Variants in GAS2 observed in about 807,000 individuals in gnomAD.
GAS2 encodes the protein growth arrest-specific protein 2.
In GAS2, 20 loss-of-function variants were observed where a neutral mutation model predicts 37.5. The observed-to-expected ratio is 0.53, with a 90% CI of 0.37 to 0.77. The LOEUF is 0.77. Ranked by LOEUF, GAS2 falls within the 30% of genes least tolerant of loss-of-function variation. GAS2 has a pLI of 0.00. For missense variants in GAS2, 336 were observed against 373.4 expected (o/e 0.90, Z 0.82); for synonymous variants, 144 against 132.2 (o/e 1.09, Z -0.61).
intron 3 of GAS2, among the ~76,000 whole-genome samples, chr11:22,705,380 T>C (rs1851062589): frequency 6.6e-6 from 1 of 152,138 alleles, no homozygotes; most frequent in Admixed American, 6.6e-5. Context: ...ATGTTTTATC[T>C]GAGGCCTTCC....
chr11:22,800,879 T>G (rs1856632551), intron 7 of GAS2, among the ~76,000 whole-genome samples: 1 of 152,092 alleles, frequency 6.6e-6, no homozygotes, highest in African/African-American at 2.4e-5. Flanking sequence ...GCTTGTTTGT[T>G]GTTTATGTAA....
At chr11:22,654,596 A>G (rs1264744026) in intron 1 of GAS2, among the ~76,000 whole-genome samples, 2 of 151,828 alleles carry the variant, frequency 1.3e-5, no homozygotes, top group Non-Finnish European at 2.9e-5. Flanking sequence ...GGGTCTTGCT[A>G]TTTTGCCCGG....
chr11:22,679,438 G>T (rs1849575615), intron 2 of GAS2, among the ~76,000 whole-genome samples: 1 of 151,850 alleles, frequency 6.6e-6, no homozygotes, highest in South Asian at 2.1e-4. Context: ...ATAAATCTTG[G>T]GGAAATTTTT....
At chr11:22,780,304 G>A (rs1855489704) in intron 7 of GAS2, among the ~76,000 whole-genome samples, 1 of 152,066 alleles carries the variant, frequency 6.6e-6, no homozygotes. Context: ...AGACCATCCT[G>A]GCCAACATGG....
intron 7 of GAS2, among the ~76,000 whole-genome samples, chr11:22,776,809 T>G (rs752483743): frequency 6.6e-6 from 1 of 152,156 alleles, no homozygotes; most frequent in African/African-American, 2.4e-5. Context: ...ATTTATTAAA[T>G]GATGAGATTC....
At chr11:22,740,821 A>T (rs1018698884) in intron 5 of GAS2, among the ~76,000 whole-genome samples, 1 of 152,240 alleles carries the variant, frequency 6.6e-6, no homozygotes, top group African/African-American at 2.4e-5. Flanking sequence ...ATAGAGGATT[A>T]TACAAATTAA....
rs1386534279 is a variant in GAS2, at chr11:22,806,236, A to G, written c.724-5562A>G. 1.8e-4 allele frequency among the ~76,000 whole-genome samples: 27 copies of G among 152,114 alleles called. 1 individual carries two copies. Among genetic ancestry groups the G allele is most frequent in the Admixed American group, 1.7e-3 (26 of 15,262 alleles). ...TGCCTGGCTTCTTTCATGTACCACA[A>G]TGTCCTCTGGGTTCATTCTCGTTGT... On this transcript the variant is annotated intron_variant, in intron 7 of 7. Transcript: ENST00000454584.
chr11:22,802,666 G>A (rs1856719941), intron 7 of GAS2, among the ~76,000 whole-genome samples: 1 of 152,026 alleles, frequency 6.6e-6, no homozygotes, highest in Non-Finnish European at 1.5e-5. Flanking sequence ...AACTTATAGT[G>A]TTGGAGGCTA....
intron 5 of GAS2, among the ~76,000 whole-genome samples, chr11:22,744,831 A>T (rs1853292987): frequency 6.6e-6 from 1 of 152,160 alleles, no homozygotes; most frequent in Non-Finnish European, 1.5e-5. Context: ...AAAGAAAGAC[A>T]TAAAATGCAT....
intron 1 of GAS2, among the ~76,000 whole-genome samples, chr11:22,653,471 A>T (rs992644885): frequency 2.6e-5 from 4 of 152,204 alleles, no homozygotes; most frequent in Non-Finnish European, 4.4e-5. Context: ...AATATGTTGA[A>T]AAAGGTATCA....
intron 3 of GAS2, among the ~76,000 whole-genome samples, chr11:22,695,241 A>T (rs138277145): frequency 0.01 from 1,553 of 152,094 alleles, 30 homozygotes; most frequent in African/African-American, 0.035. Flanking sequence ...AATCACTTGA[A>T]CCTGGGAGGC....
chr11:22,797,804 C>G (rs16910173), intron 7 of GAS2, among the ~76,000 whole-genome samples: 2,257 of 152,152 alleles, frequency 0.015, 64 homozygotes, highest in African/African-American at 0.051. Flanking sequence ...ATGGCTAAAA[C>G]AATGAGGCTC....
chr11:22,800,519 T>C (rs1856615809), intron 7 of GAS2, among the ~76,000 whole-genome samples: 1 of 152,014 alleles, frequency 6.6e-6, no homozygotes, highest in Non-Finnish European at 1.5e-5. Flanking sequence ...GGTGGACTAG[T>C]GAAGAGTGAG....
intron 3 of GAS2, among the ~76,000 whole-genome samples, chr11:22,701,355 A>G (rs150316983): frequency 2.0e-5 from 3 of 152,234 alleles, no homozygotes; most frequent in Middle Eastern, 3.4e-3. Context: ...GCAACAAGAG[A>G]TGATGTTATT....
At chr11:22,792,720 C>T (rs1463542969) in intron 7 of GAS2, among the ~76,000 whole-genome samples, 1 of 152,162 alleles carries the variant, frequency 6.6e-6, no homozygotes, top group African/African-American at 2.4e-5. Context: ...ACAATAGGCT[C>T]ATTTATGAGT....
rs1026467139 is a variant in GAS2, at chr11:22,687,777, T to A, written c.267+1988T>A. On this transcript the variant is annotated intron_variant, in intron 3 of 7. Coordinates refer to ENST00000454584, the MANE Select transcript of GAS2 (RefSeq NM_001143830.3). ...ATATAATGCCGATAAGAGGACAACT[T>A]GTATAGAAGGTTTACAGTAAAGCAA... Among the ~76,000 whole-genome samples, 3 of 152,266 alleles carry A rather than the reference T, an allele frequency of 2.0e-5. No homozygotes were observed. In the South Asian group the frequency reaches 6.2e-4, roughly 32 times the overall value.
At position 22,633,976 on chromosome 11, in the gene GAS2, C is replaced by T. The variant is rs374939050; in HGVS notation, c.-21+8163C>T. ...TGCCAAGCTCTTGTGGGAGAAGCCA[C>T]AGCTATGTTTGCAGTGATGGGCAAG... On this transcript the variant is annotated intron_variant, in intron 1 of 5. Transcript: ENST00000528582. 3.9e-5 allele frequency among the ~76,000 whole-genome samples: 6 copies of T among 152,234 alleles called. No individual in the cohort carries two copies. The East Asian group carries it at 7.7e-4, about 20-fold the overall frequency.
chr11:22,671,247 AT>A (rs1309484654), intron 1 of GAS2, among the ~76,000 whole-genome samples: 1 of 152,072 alleles, frequency 6.6e-6, no homozygotes, highest in Non-Finnish European at 1.5e-5. Flanking sequence ...TCTTTGAAGG[AT>A]TTAGTATTAA....
chr11:22,689,107 A>G (rs890981778), intron 3 of GAS2, among the ~76,000 whole-genome samples: 1 of 152,140 alleles, frequency 6.6e-6, no homozygotes, highest in Non-Finnish European at 1.5e-5. Context: ...CAGGAGAACA[A>G]AAGACACTGG....
Sources: allele counts gnomAD v4.1 joint callset (sites outside exome capture counted in the v4.1 genomes callset), GRCh38; gene constraint gnomAD v4.1.1; transcripts MANE v1.5; gene names NCBI Gene and HGNC (gene_info 2026-07-23, HGNC 2026-07-21).